APLP2: variants seen among roughly 807,000 people sequenced by gnomAD.
The protein encoded by APLP2 is amyloid beta precursor like protein 2, also known as CDEI box-binding protein.
Under a neutral mutation model 89.9 loss-of-function variants are expected in APLP2, and 53 were observed. That is an observed-to-expected ratio of 0.59 (90% CI 0.47 to 0.74). APLP2 has a LOEUF of 0.74. Among genes scored for constraint, APLP2 ranks in the 30% least tolerant of loss-of-function variants. The pLI is 0.00. For synonymous variants in APLP2, 372 were observed against 348.6 expected (o/e 1.07, Z -0.75); for missense variants, 973 against 975.9 (o/e 1.00, Z 0.04).
chr11:130,095,009 G>A (rs534729159), intron 1 of APLP2, among the ~76,000 whole-genome samples: 1 of 152,040 alleles, frequency 6.6e-6, no homozygotes, highest in African/African-American at 2.4e-5. Context: ...AATGCAATGC[G>A]TGTGAAACCA....
At position 130,123,159 on chromosome 11, in the gene APLP2, T is replaced by C. The variant is rs533721779; in HGVS notation, c.923-453T>C. On this transcript the variant is annotated intron_variant, in intron 6 of 16. Coordinates refer to ENST00000338167, the MANE Select transcript of APLP2 (RefSeq NM_001142276.2). This position sits in a 1 kb window ranked among gnomAD's most constrained non-coding sequence, Gnocchi z 4.0. Reference sequence around the variant, plus strand: ...ATTACTTAACCAGTTGAGAAGTTTGTGATTTGCCTTAGAGAACATAAAAGT... The same window carrying C: ...ATTACTTAACCAGTTGAGAAGTTTGCGATTTGCCTTAGAGAACATAAAAGT... 6.6e-6 allele frequency among the ~76,000 whole-genome samples: 1 copy of C among 152,334 alleles called. No individual in the cohort carries two copies. Among genetic ancestry groups the C allele is most frequent in the East Asian group, 1.9e-4 (1 of 5,186 alleles).
At chr11:130,111,569 A>G (rs1948565426) in intron 3 of APLP2, among the ~76,000 whole-genome samples, 1 of 152,162 alleles carries the variant, frequency 6.6e-6, no homozygotes, top group Non-Finnish European at 1.5e-5. Context: ...ACTTTTTCTC[A>G]TTCTCACGTG....
Position 130,122,506 on chromosome 11 carries a change from T to C in APLP2, c.915T>C (p.Asp305=). The change falls in exon 6 of 17, where the codon GAT becomes GAC. Residue 305 remains aspartate (D), a synonymous_variant. Coordinates refer to ENST00000338167, the MANE Select transcript of APLP2 (RefSeq NM_001142276.2). ...GTMSDKEITH[D]VKAVCSQEAM... ...TGTCAGACAAGGAAATTACTCATGA[T>C]GTCAAAGGTAACCCCATGTAGAGCC... 1 of 1,614,040 alleles carries C rather than the reference T, an allele frequency of 6.2e-7. No homozygotes were observed.
chr11:130,092,503 C>T (rs1187040076), intron 1 of APLP2, among the ~76,000 whole-genome samples: 50 of 141,264 alleles, frequency 3.5e-4, no homozygotes, highest in African/African-American at 1.3e-3. Flanking sequence ...GCGGATCACT[C>T]GCGGTTAGGG....
chr11:130,086,537 A>G (rs962815894), intron 1 of APLP2, among the ~76,000 whole-genome samples: 7 of 152,004 alleles, frequency 4.6e-5, no homozygotes, highest in African/African-American at 9.7e-5. Context: ...CAGTTTATCT[A>G]TTTTTTTCTT....
intron 10 of APLP2, among the ~76,000 whole-genome samples, chr11:130,129,486 G>A (rs1317315880): frequency 6.6e-6 from 1 of 152,150 alleles, no homozygotes; most frequent in African/African-American, 2.4e-5. Flanking sequence ...TCCAGTTATT[G>A]AACTTCCTTT....
Position 130,143,647 on chromosome 11 carries a change from CAA to C in APLP2, c.*200_*201del. On this transcript the variant is annotated 3_prime_UTR_variant, in exon 17 of 17. Transcript: ENST00000338167. ...AAATGGGTGAAAAATGGTAATATAA[CAA>C]TATATGATATATAAACCTTAAATGA... The C allele has an allele frequency of 3.6e-6, 2 of 551,370 alleles. No individual in the cohort carries two copies. The highest frequency in any genetic ancestry group is 6.5e-6 in the Non-Finnish European group (2 of 307,082). The allele number at this position is 551,370 out of a possible 1,614,324, so 34.2% of individuals were successfully genotyped here.
chr11:130,098,596 C>G (rs1946522109), intron 1 of APLP2, among the ~76,000 whole-genome samples: 1 of 152,142 alleles, frequency 6.6e-6, no homozygotes, highest in African/African-American at 2.4e-5. Context: ...AGTTTCTCAA[C>G]TTAGCCTTGG....
At chr11:130,088,899 T>G (rs1193358592) in intron 1 of APLP2, among the ~76,000 whole-genome samples, 1 of 151,996 alleles carries the variant, frequency 6.6e-6, no homozygotes. Flanking sequence ...AGCCTGGTAA[T>G]GAATAGAAAA....
intron 1 of APLP2, among the ~76,000 whole-genome samples, chr11:130,105,701 CTT>C (rs765278847): frequency 1.9e-4 from 22 of 118,186 alleles, no homozygotes; most frequent in African/African-American, 2.4e-4. Context: ...TTTCTGTCTG[CTT>C]TTTTTTTTTT....
intron 1 of APLP2, among the ~76,000 whole-genome samples, chr11:130,078,299 T>C (rs1223725067): frequency 6.6e-6 from 1 of 152,176 alleles, no homozygotes. Context: ...TTTCCGTTGC[T>C]GCATAGTACT....
At chr11:130,072,683 G>GCCAGGCTGGTCAGGTGTT (rs1348218470) in intron 1 of APLP2, among the ~76,000 whole-genome samples, 1 of 152,074 alleles carries the variant, frequency 6.6e-6, no homozygotes, top group African/African-American at 2.4e-5. Flanking sequence ...CACCATGTTG[G>GCCAGGCTGGTCAGGTGTT]CCAGGCTGGT....
chr11:130,104,508 G>A (rs192314650), intron 1 of APLP2, among the ~76,000 whole-genome samples: 1 of 152,044 alleles, frequency 6.6e-6, no homozygotes, highest in Admixed American at 6.5e-5. Flanking sequence ...GTGAGCCACC[G>A]TGCCGGGCTT....
At chr11:130,089,465 C>T (rs939133026) in intron 1 of APLP2, among the ~76,000 whole-genome samples, 4 of 152,226 alleles carry the variant, frequency 2.6e-5, no homozygotes, top group African/African-American at 9.6e-5. Context: ...TTGCAGCATG[C>T]TCACTGTCTC....
intron 3 of APLP2, among the ~76,000 whole-genome samples, chr11:130,111,833 G>T (rs1339167459): frequency 6.6e-6 from 1 of 152,122 alleles, no homozygotes; most frequent in Admixed American, 6.5e-5. Flanking sequence ...CGTTAAAAAA[G>T]TTCTCAAACT....
intron 1 of APLP2, among the ~76,000 whole-genome samples, chr11:130,102,573 G>A (rs1434880731): frequency 6.6e-6 from 1 of 152,200 alleles, no homozygotes; most frequent in Non-Finnish European, 1.5e-5. Flanking sequence ...CTTCAATGAG[G>A]GCAGAGATAA....
intron 3 of APLP2, among the ~76,000 whole-genome samples, chr11:130,113,816 A>T (rs1309368425): frequency 1.3e-5 from 2 of 152,134 alleles, no homozygotes; most frequent in Non-Finnish European, 2.9e-5. Context: ...AATAATTTCA[A>T]ATTTACAGAA....
intron 3 of APLP2, among the ~76,000 whole-genome samples, chr11:130,112,058 C>T (rs1386945497): frequency 5.3e-5 from 8 of 152,190 alleles, no homozygotes; most frequent in East Asian, 1.9e-4. Flanking sequence ...TCCCTGTATG[C>T]GGTCAGTTTC....
intron 3 of APLP2, among the ~76,000 whole-genome samples, chr11:130,115,303 T>C (rs1214621712): frequency 6.6e-6 from 1 of 152,218 alleles, no homozygotes; most frequent in Non-Finnish European, 1.5e-5. Flanking sequence ...TGTGTAATAG[T>C]CATGTCAGGG....
Sources: gnomAD v4.1 joint callset for allele counts (sites outside exome capture counted in the v4.1 genomes callset) on GRCh38, gnomAD v4.1.1 for gene constraint, Gnocchi (gnomAD v3.1) non-coding constraint, MANE v1.5 for transcripts, NCBI Gene and HGNC (gene_info 2026-07-23, HGNC 2026-07-21) for gene names.